RIMKLB: variants seen among roughly 807,000 people sequenced by gnomAD.
RIMKLB encodes beta-citrylglutamate synthase B.
A neutral mutation model predicts 32.0 loss-of-function variants in RIMKLB; 7 were observed. The observed-to-expected ratio is 0.22, with a 90% CI of 0.12 to 0.41. The LOEUF is 0.41. Among genes scored for constraint, RIMKLB ranks in the 10% least tolerant of loss-of-function variants. RIMKLB has a pLI of 1.00. For missense variants in RIMKLB, 289 were observed against 498.7 expected, an observed-to-expected ratio of 0.58 and a Z score of 4.00; for synonymous variants, 172 against 185.1, an observed-to-expected ratio of 0.93 and a Z score of 0.57.
At chr12:8,737,030 C>G (rs2137412277) in intron 2 of RIMKLB, among the ~76,000 whole-genome samples, 1 of 152,040 alleles carries the variant, frequency 6.6e-6, no homozygotes, top group East Asian at 1.9e-4. Context: ...CCAGGCTGGT[C>G]TTGAACTCCT....
At chr12:8,743,522 AC>A (rs1401872204) in intron 2 of RIMKLB, among the ~76,000 whole-genome samples, 1 of 142,394 alleles carries the variant, frequency 7.0e-6, no homozygotes, top group African/African-American at 3.1e-5. Context: ...GTATAGCCAA[AC>A]TGTCCACTAG....
chr12:8,674,402 C>T, the RIMKLB span, among the ~76,000 whole-genome samples: 2 of 151,740 alleles, frequency 1.3e-5, no homozygotes, highest in Non-Finnish European at 2.9e-5. Flanking sequence ...CCACGCCCTG[C>T]TAATTTTTTT....
chr12:8,716,518 C>G (rs1371995137), intron 2 of RIMKLB, among the ~76,000 whole-genome samples: 3 of 117,510 alleles, frequency 2.6e-5, no homozygotes, highest in African/African-American at 3.3e-5. Context: ...CATAACTGTT[C>G]TATCTTCTCA....
At chr12:8,713,696 G>A (rs1418669627) in intron 1 of RIMKLB, 115 bp from the exon 2 acceptor site, 4 of 655,738 alleles carry the variant, frequency 6.1e-6, no homozygotes, top group Middle Eastern at 2.6e-4. Flanking sequence ...ATCTCTACAC[G>A]TGTTTTTTCC....
At chr12:8,747,495 A>C (rs1403679575) in intron 2 of RIMKLB, among the ~76,000 whole-genome samples, 3 of 152,150 alleles carry the variant, frequency 2.0e-5, no homozygotes, top group Non-Finnish European at 4.4e-5. Context: ...CCATGTTTAA[A>C]AGTTAATACC....
chr12:8,670,745 G>C, the RIMKLB span, among the ~76,000 whole-genome samples: 1 of 152,250 alleles, frequency 6.6e-6, no homozygotes, highest in Non-Finnish European at 1.5e-5. Context: ...CTTTGTGTGG[G>C]GGCTCCAACC....
At chr12:8,689,506 G>T (rs1942671957) in intron 1 of RIMKLB, among the ~76,000 whole-genome samples, 1 of 152,102 alleles carries the variant, frequency 6.6e-6, no homozygotes, top group African/African-American at 2.4e-5. Flanking sequence ...ACACTACTTT[G>T]CTCTATTCAT....
At chr12:8,672,051 C>G in the RIMKLB span, among the ~76,000 whole-genome samples, 1 of 152,182 alleles carries the variant, frequency 6.6e-6, no homozygotes, top group Non-Finnish European at 1.5e-5. Flanking sequence ...TTCCACAAAT[C>G]TCTAGGGCAG....
chr12:8,736,517 CTTTT>C (rs1157484475), intron 2 of RIMKLB, among the ~76,000 whole-genome samples: 7 of 126,762 alleles, frequency 5.5e-5, no homozygotes, highest in Non-Finnish European at 1.2e-4. Flanking sequence ...CATGTATTTC[CTTTT>C]TTTTTTTTTT....
intron 2 of RIMKLB, among the ~76,000 whole-genome samples, chr12:8,736,074 A>G (rs1946972682): frequency 1.3e-5 from 2 of 152,176 alleles, no homozygotes; most frequent in Admixed American, 1.3e-4. Flanking sequence ...TCAGTGCAGC[A>G]AGTTAACCAA....
In RIMKLB at chr12:8,702,647, T is replaced by C. The variant is rs777112355; in HGVS notation, c.-57+4350T>C. Among the ~76,000 whole-genome samples, 3 of 152,350 alleles carry C rather than the reference T, an allele frequency of 2.0e-5. No individual in the cohort carries two copies. The South Asian group carries it at 6.2e-4, about 32-fold the overall frequency. The stretch of plus-strand genomic sequence containing the variant: ...TGAGGAGTATTTGAATTTTTCATAC[T>C]TTATCAGAAAACTGCATTTTGAAAA... On this transcript the variant is annotated intron_variant, in intron 1 of 5. Coordinates refer to ENST00000535829, the MANE Select transcript of RIMKLB (RefSeq NM_001297776.2).
chr12:8,754,237 G>A, intron 5 of RIMKLB, 144 bp downstream of exon 5: 1 of 624,886 alleles, frequency 1.6e-6, no homozygotes, highest in Non-Finnish European at 2.8e-6. Context: ...TTTTACACAT[G>A]CCATCAATGT....
At position 8,703,555 on chromosome 12, in the gene RIMKLB, G is replaced by C. The variant is rs1305653696; in HGVS notation, c.-57+5258G>C. Among the ~76,000 whole-genome samples, 3 of 151,892 alleles carry C rather than the reference G, an allele frequency of 2.0e-5. No homozygotes were observed. In the East Asian group the frequency reaches 5.8e-4, roughly 29 times the overall value. ...CCACTATGTTGCCCAGGCTAGTCTT[G>C]AACTCCTGTCCTCCTACTTCAGCCT... On this transcript the variant is annotated intron_variant, in intron 1 of 5. Transcript: ENST00000535829.
chr12:8,705,812 CCAG>C (rs1398608416), intron 1 of RIMKLB, among the ~76,000 whole-genome samples: 1 of 152,052 alleles, frequency 6.6e-6, no homozygotes, highest in Non-Finnish European at 1.5e-5. Context: ...TTTGGGGAGA[CCAG>C]CAGACTGGCA....
At chr12:8,674,126 A>C in the RIMKLB span, among the ~76,000 whole-genome samples, 2 of 151,974 alleles carry the variant, frequency 1.3e-5, no homozygotes, top group Non-Finnish European at 2.9e-5. Flanking sequence ...TCTGAAGTTA[A>C]GCCTCATCGT....
At chr12:8,670,026 CAAAAAA>C in the RIMKLB span, among the ~76,000 whole-genome samples, 3 of 36,944 alleles carry the variant, frequency 8.1e-5, no homozygotes, top group Admixed American at 2.4e-4. Context: ...GACTCCGTCT[CAAAAAA>C]AAAAAAAAAA....
chr12:8,748,088 T>G (rs1223893737), intron 2 of RIMKLB, among the ~76,000 whole-genome samples: 2 of 152,198 alleles, frequency 1.3e-5, no homozygotes. Context: ...TATATATGTT[T>G]CTGTATACTT....
At chr12:8,737,038 C>G (rs916431187) in intron 2 of RIMKLB, among the ~76,000 whole-genome samples, 2 of 152,102 alleles carry the variant, frequency 1.3e-5, no homozygotes, top group Non-Finnish European at 2.9e-5. Flanking sequence ...GTCTTGAACT[C>G]CTAACCTCAG....
chr12:8,778,302 T>G (rs1950852543), downstream of RIMKLB, among the ~76,000 whole-genome samples: 1 of 152,318 alleles, frequency 6.6e-6, no homozygotes, highest in East Asian at 1.9e-4. Flanking sequence ...TCATTTTACC[T>G]TAGTGCTTCT....
Sources: allele counts gnomAD v4.1 joint callset (sites outside exome capture counted in the v4.1 genomes callset), GRCh38; gene constraint gnomAD v4.1.1; transcripts MANE v1.5; gene names NCBI Gene and HGNC (gene_info 2026-07-23, HGNC 2026-07-21).